PIAS3: variants seen among roughly 807,000 people sequenced by gnomAD.
PIAS3 encodes the protein E3 SUMO-protein ligase PIAS3.
In PIAS3, 34 loss-of-function variants were observed where a neutral mutation model predicts 67.6. The observed-to-expected ratio is 0.50, with a 90% CI of 0.38 to 0.67. The LOEUF (loss-of-function observed/expected upper bound fraction) is 0.67, where lower values mean the gene tolerates loss of function less well. Ranked by LOEUF, PIAS3 falls within the 30% of genes least tolerant of loss-of-function variation. The pLI, the probability that PIAS3 is intolerant of heterozygous loss-of-function variation, is 0.00. For synonymous variants in PIAS3, 341 were observed against 313.8 expected, an observed-to-expected ratio of 1.09 and a Z score of -0.92; for missense variants, 693 against 791.6, an observed-to-expected ratio of 0.88 and a Z score of 1.49.
rs587776214 is a variant in PIAS3 at position 145,849,682 on chromosome 1, C to T, written c.1651G>A (p.Asp551Asn). ...AAGTGGCCAAGGGCATCCTGTTCAT[C>T]TAGTGAGGTGATGACAGAGGGGCCA... ...HYGPSVITSL[D>N]EQDALGHFFQ... Residue 551 changes from aspartate to asparagine, a missense_variant, in exon 14 of 14, where the codon GAT becomes AAT. This residue lies in a region of PIAS3 where 270 missense variants were observed against 261.0 expected (regional missense o/e 1.03). Coordinates refer to ENST00000393045, the MANE Select transcript of PIAS3 (RefSeq NM_006099.3). The T allele has an allele frequency of 1.9e-6, 3 of 1,610,628 alleles. No homozygotes were observed. The highest frequency in any genetic ancestry group is 2.5e-6 in the Non-Finnish European group (3 of 1,178,342).
intron 1 of PIAS3, among the ~76,000 whole-genome samples, chr1:145,858,344 C>T (rs1653276224): frequency 2.0e-5 from 3 of 152,212 alleles, no homozygotes; most frequent in Non-Finnish European, 1.5e-5. Flanking sequence ...CATAGTTTCA[C>T]ATGCCTCTGC....
chr1:145,857,156 A>G lies in PIAS3; in HGVS notation c.25-150T>C, dbSNP rs113648528. The G allele has an allele frequency of 1.5e-3, 1,089 of 711,634 alleles. 10 individuals carry two copies. The African/African-American group carries it at 0.017, about 11-fold the overall frequency. 44.1% of individuals were successfully genotyped at this position (711,634 alleles called of 1,614,324 possible). A position where few individuals can be genotyped will look rare whatever the true frequency, so the allele number is the denominator to read the frequency against. On this transcript the variant is annotated intron_variant, in intron 1 of 13. Transcript: ENST00000393045. ...CGCAGCTAGTGGATTACTGCCAGGT[A>G]GTCGACCTATCCAAAGGGACATCTC...
In PIAS3 at chr1:145,854,468, C is replaced by T. The variant is rs782555936; in HGVS notation, c.900G>A (p.Ser300=). ...RAKGIRNPDH[S]RALIKEKLTA... The stretch of plus-strand genomic sequence containing the variant: ...AAAGATGTTACTCACTCAGTGCCCG[C>T]GAGTGGTCTGGGTTCCGGATACCCT... Residue 300 remains serine (S), a synonymous_variant, in exon 7 of 14, where the codon TCG becomes TCA. Transcript: ENST00000393045. 5.1e-5 allele frequency: 82 copies of T among 1,611,270 alleles called. No individual in the cohort carries two copies. The highest frequency in any genetic ancestry group is 8.0e-5 in the African/African-American group (6 of 74,858).
At position 145,850,529 on chromosome 1, in the gene PIAS3, C is replaced by T; in HGVS notation, c.1506G>A (p.Thr502=). The T allele has an allele frequency of 1.2e-6, 2 of 1,614,226 alleles. No individual in the cohort carries two copies. Among genetic ancestry groups the T allele is most frequent in the Non-Finnish European group, 1.7e-6 (2 of 1,180,042 alleles). The stretch of plus-strand genomic sequence containing the variant: ...GACTGGACAGGAAATCCCCACCCAA[C>T]GTGCCCATAGCAGGGCTCCTTAGCA... ...SSVLRSPAMG[T]LGGDFLSSLP... The change falls in exon 12 of 14, where the codon ACG becomes ACA. Residue 502 remains threonine (T), a synonymous_variant. Coordinates refer to ENST00000393045, the MANE Select transcript of PIAS3 (RefSeq NM_006099.3).
At position 145,856,909 on chromosome 1, in the gene PIAS3, G is replaced by C; in HGVS notation, c.122C>G (p.Ala41Gly). 4 of 1,614,198 alleles carry C rather than the reference G, an allele frequency of 2.5e-6. No homozygotes were observed. Among genetic ancestry groups the C allele is most frequent in the Non-Finnish European group, 3.4e-6 (4 of 1,180,020 alleles). Reference sequence around the variant, plus strand: ...ACAGCTGGACTTCAGGAGGTGCAGAGCCTTGGCCAGGAGCTCGTGCTTCCG... The same window carrying C: ...ACAGCTGGACTTCAGGAGGTGCAGACCCTTGGCCAGGAGCTCGTGCTTCCG... ...SGRKHELLAKALHLLKSSCAP... is the reference protein window; with the variant it reads ...SGRKHELLAKGLHLLKSSCAP... Residue 41 changes from alanine (A) to glycine (G), a missense_variant, in exon 2 of 14, where the codon GCT becomes GGT. Transcript: ENST00000393045.
rs1652853342 is a variant in PIAS3, at chr1:145,849,160, C to CCAT, written c.*283_*285dup. ...TTCAGCCCTTCTCCTAGCTCACATA[C>CCAT]CATCCCATTTGCCTCCCACTGCCTA... is the stretch of plus-strand genomic sequence containing the variant. On this transcript the variant is annotated 3_prime_UTR_variant, in exon 14 of 14. Coordinates refer to ENST00000393045, the MANE Select transcript of PIAS3 (RefSeq NM_006099.3). The CCAT allele has an allele frequency of 7.2e-6, 2 of 279,030 alleles. No individual in the cohort carries two copies. Among genetic ancestry groups the CCAT allele is most frequent in the Admixed American group, 1.1e-4 (2 of 18,668 alleles). The allele number at this position is 279,030 out of a possible 1,614,324, so 17.3% of individuals were successfully genotyped here.
chr1:145,856,729 A>G lies in PIAS3; in HGVS notation c.302T>C (p.Leu101Ser). 2 of 1,613,890 alleles carry G rather than the reference A, an allele frequency of 1.2e-6. No homozygotes were observed. The highest frequency in any genetic ancestry group is 4.5e-5 in the East Asian group (2 of 44,878). ...GGGGCCCAGCAGGGTGCCAGGGGCCAACAGCGTTGGGGGAATGGGAGCTAG... is the reference window on the plus strand; with the variant it reads ...GGGGCCCAGCAGGGTGCCAGGGGCCGACAGCGTTGGGGGAATGGGAGCTAG... ...GPLAPIPPTL[L>S]APGTLLGPKR... Residue 101 changes from leucine (L) to serine (S), a missense_variant, in exon 2 of 14, where the codon TTG (leucine) becomes TCG (serine). Transcript: ENST00000393045.
chr1:145,851,252 C>A, intron 9 of PIAS3, 99 bp from the exon 10 acceptor site: 1 of 1,242,134 alleles, frequency 8.1e-7, no homozygotes, highest in Non-Finnish European at 1.2e-6. Context: ...GTTTCCTCAT[C>A]TGTAAAATAA....
At chr1:145,853,767 A>C in intron 8 of PIAS3, 46 bp downstream of exon 8, 1 of 1,609,064 alleles carries the variant, frequency 6.2e-7, no homozygotes, top group African/African-American at 1.3e-5. Flanking sequence ...CCACAGGCTA[A>C]ACCCAACTCC....
At chr1:145,855,643 G>T in intron 5 of PIAS3, 93 bp downstream of exon 5, 1 of 747,478 alleles carries the variant, frequency 1.3e-6, no homozygotes, top group Non-Finnish European at 2.3e-6. Context: ...CACGCACTGT[G>T]CTAGGCATGT....
At chr1:145,851,827 C>T (rs1447806296) in intron 9 of PIAS3, among the ~76,000 whole-genome samples, 1 of 151,850 alleles carries the variant, frequency 6.6e-6, no homozygotes, top group Admixed American at 6.6e-5. Flanking sequence ...GCGGCACATG[C>T]CTGTAATCCC....
intron 1 of PIAS3, among the ~76,000 whole-genome samples, chr1:145,858,503 G>T (rs1181058276): frequency 2.7e-5 from 4 of 147,734 alleles, no homozygotes; most frequent in Non-Finnish European, 5.9e-5. Flanking sequence ...CGGATCCCGA[G>T]AGTAGCCCCA....
chr1:145,858,244 A>G (rs1173584655), intron 1 of PIAS3, among the ~76,000 whole-genome samples: 3 of 151,952 alleles, frequency 2.0e-5, no homozygotes, highest in African/African-American at 7.3e-5. Context: ...TGTGATGAGA[A>G]ACTTGCTCCT....
chr1:145,856,365 T>C lies in PIAS3; in HGVS notation c.509A>G (p.Gln170Arg), dbSNP rs1553735617. 4.3e-6 allele frequency: 7 copies of C among 1,613,856 alleles called. No individual in the cohort carries two copies. Among genetic ancestry groups the C allele is most frequent in the Non-Finnish European group, 5.9e-6 (7 of 1,179,758 alleles). Residue 170 changes from glutamine (Q) to arginine (R), a missense_variant, in exon 3 of 14, where the codon CAG becomes CGG. By Grantham distance (43) the Gln-to-Arg change is conservative. Around this residue, in one of 3 missense-constraint regions of PIAS3, gnomAD observed 308 missense variants for 348.8 expected, o/e 0.88. Coordinates refer to ENST00000393045, the MANE Select transcript of PIAS3 (RefSeq NM_006099.3). ...GATGTACCTGGATGTAAGAATCTGC[T>C]GCACTTGCTGGGGTGTGAGGGCAAA... ...FTFALTPQQV[Q>R]QILTSREVLP... is the part of the protein sequence containing the mutation.
intron 9 of PIAS3, 86 bp from the exon 10 acceptor site, chr1:145,851,239 T>C: frequency 7.5e-7 from 1 of 1,329,766 alleles, no homozygotes; most frequent in East Asian, 2.3e-5. Context: ...TTCCTGTATC[T>C]CAGTTTCCTC....
chr1:145,854,899 G>T lies in PIAS3; in HGVS notation c.670-19C>A. 6.2e-7 allele frequency: 1 copy of T among 1,613,780 alleles called. No homozygotes were observed. Among genetic ancestry groups the T allele is most frequent in the South Asian group, 1.1e-5 (1 of 91,050 alleles). ...GGTAACCCTGGAGAAGGGAGGGATT[G>T]GTCAGTGGAGAAGTGGCTCTGGGAA... On this transcript the variant is annotated intron_variant, in intron 5 of 13. Transcript: ENST00000393045.
At chr1:145,858,654 C>T (rs1324264636) in intron 1 of PIAS3, among the ~76,000 whole-genome samples, 1 of 150,870 alleles carries the variant, frequency 6.6e-6, no homozygotes, top group African/African-American at 2.4e-5. Flanking sequence ...CACCTTTTCC[C>T]CCTGGCCCTA....
chr1:145,857,174 G>A (rs1653226068), intron 1 of PIAS3, 168 bp from the exon 2 acceptor site: 2 of 635,590 alleles, frequency 3.1e-6, no homozygotes, highest in East Asian at 2.6e-5. Context: ...TATCCAAAGG[G>A]ACATCTCAGT....
chr1:145,854,087 G>A (rs1653065774), intron 7 of PIAS3: 1 of 605,068 alleles, frequency 1.7e-6, no homozygotes, highest in South Asian at 2.0e-5. Context: ...CCCTGAAGAT[G>A]CTTAAACATA....
Sources: gnomAD v4.1 joint callset for allele counts (sites outside exome capture counted in the v4.1 genomes callset) on GRCh38, gnomAD v4.1.1 for gene constraint, gnomAD v4.1.1 regional missense constraint, MANE v1.5 for transcripts, NCBI Gene and HGNC (gene_info 2026-07-23, HGNC 2026-07-21) for gene names.